The following ADGRE3 variants were observed in gnomAD, a reference collection of about 807,000 sequenced individuals.
ADGRE3 encodes EGF-like module receptor 3.
ADGRE3 carries 88 observed loss-of-function variants against 80.1 expected under a neutral mutation model. The ratio of observed to expected loss-of-function variants is 1.10; its 90% confidence interval spans 0.93 to 1.31. The LOEUF (loss-of-function observed/expected upper bound fraction) is 1.31. Ranked by LOEUF, ADGRE3 falls within the 40% of genes most tolerant of loss-of-function variation. The pLI is 0.00. For missense variants in ADGRE3, 715 were observed against 776.5 expected (o/e 0.92, Z 0.94); for synonymous variants, 281 against 294.8 (o/e 0.95, Z 0.48).
chr19:14,616,996 T>C (rs2075078463), downstream of ADGRE3, among the ~76,000 whole-genome samples: 1 of 151,222 alleles, frequency 6.6e-6, no homozygotes, highest in African/African-American at 2.4e-5. Context: ...TGTTTCTCCA[T>C]GTTGGTCAGG....
At chr19:14,606,717 C>A in the ADGRE3 span, among the ~76,000 whole-genome samples, 2 of 151,502 alleles carry the variant, frequency 1.3e-5, no homozygotes, top group South Asian at 4.2e-4. Context: ...CACAACACTA[C>A]CAGGAGGTAG....
intron 15 of ADGRE3, among the ~76,000 whole-genome samples, chr19:14,620,657 C>T (rs536340373): frequency 3.9e-4 from 50 of 126,728 alleles, no homozygotes; most frequent in Non-Finnish European, 6.8e-4. Context: ...TTGGCTTGAT[C>T]TTGGCTCATT....
At chr19:14,634,810 T>G (rs1970989942) in intron 11 of ADGRE3, among the ~76,000 whole-genome samples, 1 of 151,948 alleles carries the variant, frequency 6.6e-6, no homozygotes, top group Non-Finnish European at 1.5e-5. Context: ...AAGTTACCCA[T>G]GGGTCGGGGG....
intron 5 of ADGRE3, among the ~76,000 whole-genome samples, chr19:14,657,045 G>A (rs981203943): frequency 2.0e-5 from 3 of 152,030 alleles, no homozygotes; most frequent in Non-Finnish European, 4.4e-5. Context: ...ACAGGCATGC[G>A]CCCCCATGCC....
intron 7 of ADGRE3, among the ~76,000 whole-genome samples, chr19:14,649,091 C>T (rs1378348844): frequency 1.4e-5 from 2 of 143,648 alleles, no homozygotes; most frequent in African/African-American, 2.6e-5. Context: ...TCTCTCTTTC[C>T]ATCTTTCTCC....
chr19:14,606,593 T>C, the ADGRE3 span, among the ~76,000 whole-genome samples: 1 of 146,656 alleles, frequency 6.8e-6, no homozygotes, highest in South Asian at 2.1e-4. Flanking sequence ...GGCGGGAGAA[T>C]CGCTTGAACC....
At chr19:14,661,851 C>T in intron 4 of ADGRE3, 112 bp downstream of exon 4, 6 of 1,222,798 alleles carry the variant, frequency 4.9e-6, no homozygotes, top group Non-Finnish European at 7.0e-6. Flanking sequence ...AGCCACTGCA[C>T]TCCAGCCTGG....
chr19:14,666,100 T>C (rs546594464), intron 2 of ADGRE3, among the ~76,000 whole-genome samples: 72 of 151,094 alleles, frequency 4.8e-4, no homozygotes, highest in Non-Finnish European at 9.3e-4. Context: ...ATGCTTCTTT[T>C]CCTCTGGATA....
At position 14,655,235 on chromosome 19, in the gene ADGRE3, T is replaced by A. The variant is rs996601911; in HGVS notation, c.394-70A>T. 2.2e-6 allele frequency: 3 copies of A among 1,389,082 alleles called. No homozygotes were observed. In the Admixed American group the frequency reaches 6.7e-5, roughly 31 times the overall value. 86.0% of individuals were successfully genotyped at this position (1,389,082 alleles called of 1,614,324 possible). ...GTAAGTCCCATATCCAAAAGAACAG[T>A]AGAAAGCATGAGAAAGCAGGCTCTG... is the stretch of plus-strand genomic sequence containing the variant. On this transcript the variant is annotated intron_variant, in intron 5 of 15. Transcript: ENST00000253673.
the ADGRE3 span, among the ~76,000 whole-genome samples, chr19:14,603,295 A>G: frequency 5.3e-4 from 81 of 152,104 alleles, 1 homozygote; most frequent in African/African-American, 2.0e-3. Context: ...TGCTGTCTTT[A>G]CTCCAAACTG....
chr19:14,631,775 G>T (rs12981251), intron 13 of ADGRE3, among the ~76,000 whole-genome samples: 1 of 151,684 alleles, frequency 6.6e-6, no homozygotes, highest in African/African-American at 2.4e-5. Context: ...TGTGTGTGTC[G>T]GTCTGTTCTA....
intron 15 of ADGRE3, 118 bp downstream of exon 15, chr19:14,625,374 C>T (rs1453223661): frequency 2.4e-5 from 17 of 714,280 alleles, no homozygotes; most frequent in Non-Finnish European, 3.7e-5. Flanking sequence ...CATGTAACCT[C>T]AGAACTTAAA....
intron 15 of ADGRE3, among the ~76,000 whole-genome samples, chr19:14,620,568 A>ATATATATTTTT (rs1435435269): frequency 1.8e-4 from 2 of 11,048 alleles, no homozygotes; most frequent in African/African-American, 4.1e-4. Context: ...ATATATATAT[A>ATATATATTTTT]TTTTTTTTTT....
At chr19:14,616,131 C>T (rs1240515462), downstream of ADGRE3, among the ~76,000 whole-genome samples, 5 of 151,974 alleles carry the variant, frequency 3.3e-5, no homozygotes, top group Non-Finnish European at 5.9e-5. Context: ...GGGGTGTCAC[C>T]ATATTGGCCA....
At position 14,651,048 on chromosome 19, in the gene ADGRE3, C is replaced by A. The variant is rs759708795; in HGVS notation, c.697+37G>T. The A allele has an allele frequency of 1.9e-6, 3 of 1,611,908 alleles. No individual in the cohort carries two copies. In the South Asian group the frequency reaches 3.3e-5, roughly 18 times the overall value. On this transcript the variant is annotated intron_variant, in intron 7 of 15. Coordinates refer to ENST00000253673, the MANE Select transcript of ADGRE3 (RefSeq NM_032571.5). ...CCATGACTCACACAATGACATGGCT[C>A]TGTGTGAAGGATTCTGAATGCAGCC... is the stretch of plus-strand genomic sequence containing the variant.
At chr19:14,600,218 G>C in the ADGRE3 span, 2 of 1,606,346 alleles carry the variant, frequency 1.2e-6, no homozygotes, top group African/African-American at 1.3e-5. Context: ...AGAACCTTCA[G>C]GGACAGCCTG....
At chr19:14,620,568 ATTTTTTTTTTTTTTTTTT>A (rs1189295641) in intron 15 of ADGRE3, among the ~76,000 whole-genome samples, 2 of 11,060 alleles carry the variant, frequency 1.8e-4, no homozygotes, top group East Asian at 2.9e-3. Flanking sequence ...ATATATATAT[ATTTTTTTTTTTTTTTTTT>A]TTTTTTTTTT....
At chr19:14,666,574 A>G (rs1972113618) in intron 2 of ADGRE3, among the ~76,000 whole-genome samples, 1 of 152,032 alleles carries the variant, frequency 6.6e-6, no homozygotes, top group Non-Finnish European at 1.5e-5. Context: ...ATGGGGTTTC[A>G]CCATGTTGGC....
At chr19:14,642,654 T>C (rs912172127) in intron 9 of ADGRE3, among the ~76,000 whole-genome samples, 11 of 152,194 alleles carry the variant, frequency 7.2e-5, no homozygotes, top group African/African-American at 2.7e-4. Context: ...CTCCCACTTA[T>C]AAGTGAGAAC....
Sources: gnomAD v4.1 joint callset for allele counts (sites outside exome capture counted in the v4.1 genomes callset) on GRCh38, gnomAD v4.1.1 for gene constraint, MANE v1.5 for transcripts, NCBI Gene and HGNC (gene_info 2026-07-23, HGNC 2026-07-21) for gene names.